FAT1: variants seen among roughly 807,000 people sequenced by gnomAD.
The protein encoded by FAT1 is protocadherin Fat 1.
Under a neutral mutation model 329.8 loss-of-function variants are expected in FAT1, and 171 were observed. The ratio of observed to expected loss-of-function variants is 0.52; its 90% CI spans 0.46 to 0.59. The LOEUF is 0.59. FAT1 is among the 20% of genes least tolerant of loss of function. The pLI, the probability that FAT1 is intolerant of heterozygous loss-of-function variation, is 0.00. For missense variants in FAT1, 5,672 were observed against 5,774.4 expected (o/e 0.98, Z 0.57); for synonymous variants, 2,233 against 2,228.6 (o/e 1.00, Z -0.06).
chr4:186,715,134 C>G (rs1373218968), intron 1 of FAT1, among the ~76,000 whole-genome samples: 2 of 147,698 alleles, frequency 1.4e-5, no homozygotes, highest in Non-Finnish European at 2.9e-5. Context: ...CTCCATCCCC[C>G]CACCAGAAGG....
rs764593119 is a variant in FAT1, at chr4:186,621,591, C to G, written c.4995G>C (p.Pro1665=). The change falls in exon 10 of 27, where the codon CCG becomes CCC. Residue 1665 remains proline (P), a synonymous_variant. Coordinates refer to ENST00000441802, the MANE Select transcript of FAT1 (RefSeq NM_005245.4). ...CAGAATATTCTTTTGATGTAAACTT[C>G]GGAGAGGCGTTGTCAGCAATTGTGA... is the stretch of plus-strand genomic sequence containing the variant. ...IFVTIADNAS[P]KFTSKEYSVE... is the part of the protein sequence containing the mutation. The G allele has an allele frequency of 6.2e-7, 1 of 1,613,966 alleles. No individual in the cohort carries two copies. Among genetic ancestry groups the G allele is most frequent in the Non-Finnish European group, 8.5e-7 (1 of 1,179,878 alleles).
intron 9 of FAT1, among the ~76,000 whole-genome samples, chr4:186,624,709 G>A (rs750416553): frequency 1.3e-5 from 2 of 152,160 alleles, no homozygotes; most frequent in African/African-American, 4.8e-5. Context: ...GCAGTGTTAC[G>A]TACTGAATTT....
intron 7 of FAT1, among the ~76,000 whole-genome samples, chr4:186,632,739 T>C (rs1740653615): frequency 6.6e-6 from 1 of 152,264 alleles, no homozygotes; most frequent in Non-Finnish European, 1.5e-5. Flanking sequence ...TTTTTATCTT[T>C]TAATGCAGCT....
At chr4:186,669,370 G>A (rs1008208488) in intron 2 of FAT1, among the ~76,000 whole-genome samples, 2 of 152,328 alleles carry the variant, frequency 1.3e-5, no homozygotes, top group East Asian at 3.9e-4. Flanking sequence ...ATGCTGCTGC[G>A]TGATGCTATG....
chr4:186,596,967 C>T lies in FAT1; in HGVS notation c.12573G>A (p.Gly4191=), dbSNP rs749675349. ...CAAACACCACCACCAGTAAAAATAT[C>T]CCTGCAACAAACACAACGATTCCAA... ...EGIGIVVFVA[G]IFLLVVVFVL... Residue 4191 remains glycine (G), a synonymous_variant, in exon 25 of 27, where the codon GGG becomes GGA. Coordinates refer to ENST00000441802, the MANE Select transcript of FAT1 (RefSeq NM_005245.4). This position sits in a 1 kb window ranked among gnomAD's most constrained non-coding sequence, Gnocchi z 4.7. The T allele has an allele frequency of 2.5e-6, 4 of 1,613,878 alleles. No individual in the cohort carries two copies. The highest frequency in any genetic ancestry group is 1.7e-5 in the Admixed American group (1 of 60,010).
intron 3 of FAT1, among the ~76,000 whole-genome samples, chr4:186,661,120 G>C (rs1292808592): frequency 6.6e-6 from 1 of 152,236 alleles, no homozygotes; most frequent in African/African-American, 2.4e-5. Flanking sequence ...ATATACGTGT[G>C]TTGTGGGGAG....
rs116341770 is a variant in FAT1, at chr4:186,651,906, T to C, written c.3580+11393A>G. ...GCAGCTGTGGCCGTCTCAGCAGCTA[T>C]TGTTTGTCCCTGAAGTACTGGTGCC... On this transcript the variant is annotated intron_variant, in intron 3 of 26. Transcript: ENST00000441802. Among the ~76,000 whole-genome samples the C allele has an allele frequency of 8.8e-3, 1,336 of 152,336 alleles. 22 individuals carry two copies. Among genetic ancestry groups the C allele is most frequent in the African/African-American group, 0.031 (1,285 of 41,580 alleles).
rs772641467 is a variant in FAT1 at position 186,606,052 on chromosome 4, T to C, written c.10350+18A>G. The C allele has an allele frequency of 2.1e-5, 34 of 1,610,988 alleles. No homozygotes were observed. Among genetic ancestry groups the C allele is most frequent in the Non-Finnish European group, 2.8e-5 (33 of 1,178,900 alleles). Reference sequence around the variant, plus strand: ...CATTTCAAAGAACCCCAGGACCACCTTGGCACTCGAAGCCCACCTGGATAA... The same window carrying C: ...CATTTCAAAGAACCCCAGGACCACCCTGGCACTCGAAGCCCACCTGGATAA... On this transcript the variant is annotated intron_variant, in intron 17 of 26. Coordinates refer to ENST00000441802, the MANE Select transcript of FAT1 (RefSeq NM_005245.4).
At position 186,609,790 on chromosome 4, in the gene FAT1, A is replaced by G; in HGVS notation, c.10068+11T>C. ...ACACAGTTTTCACTGTAATGGGGAA[A>G]AAATACACACCGTGATGACAGACTG... On this transcript the variant is annotated intron_variant, in intron 15 of 26. Coordinates refer to ENST00000441802, the MANE Select transcript of FAT1 (RefSeq NM_005245.4). The G allele has an allele frequency of 1.9e-6, 3 of 1,597,122 alleles. No individual in the cohort carries two copies. The highest frequency in any genetic ancestry group is 2.6e-6 in the Non-Finnish European group (3 of 1,164,590).
chr4:186,633,932 A>T, intron 6 of FAT1, 109 bp from the exon 7 acceptor site: 2 of 1,187,036 alleles, frequency 1.7e-6, no homozygotes, highest in African/African-American at 1.5e-5. Context: ...ATATACTAGC[A>T]AAGAGCTTCC....
chr4:186,679,494 G>A (rs1365415478), intron 2 of FAT1, among the ~76,000 whole-genome samples: 2 of 151,226 alleles, frequency 1.3e-5, no homozygotes, highest in African/African-American at 2.4e-5. Flanking sequence ...TGTTCTGAGA[G>A]TCTAATTCAG....
In FAT1 at chr4:186,613,230, C is replaced by T. The variant is rs777489430; in HGVS notation, c.9342G>A (p.Thr3114=). Reference sequence around the variant, plus strand: ...GGGCGTTATCGTTCACATCTTCTAGCGTGAGCACAATACTGGCTTGGCAGA... The same window carrying T: ...GGGCGTTATCGTTCACATCTTCTAGTGTGAGCACAATACTGGCTTGGCAGA... ...GRFCQASIVL[T]LEDVNDNAPE... The change falls in exon 13 of 27, where the codon ACG becomes ACA. Residue 3114 remains threonine (T), a synonymous_variant. Coordinates refer to ENST00000441802, the MANE Select transcript of FAT1 (RefSeq NM_005245.4). 11 of 1,613,720 alleles carry T rather than the reference C, an allele frequency of 6.8e-6. No homozygotes were observed. Among genetic ancestry groups the T allele is most frequent in the East Asian group, 6.7e-5 (3 of 44,892 alleles).
At chr4:186,614,720 G>A (rs755523340) in intron 11 of FAT1, among the ~76,000 whole-genome samples, 2 of 152,168 alleles carry the variant, frequency 1.3e-5, no homozygotes, top group African/African-American at 2.4e-5. Context: ...AATATCTGTC[G>A]TATCATATCT....
At chr4:186,719,049 CATTCTCCTG>C (rs1454473419) in intron 1 of FAT1, among the ~76,000 whole-genome samples, 1 of 152,190 alleles carries the variant, frequency 6.6e-6, no homozygotes, top group African/African-American at 2.4e-5. Context: ...TGAATGACAA[CATTCTCCTG>C]ATTCTCTTCC....
intron 1 of FAT1, among the ~76,000 whole-genome samples, chr4:186,714,517 G>A (rs993162656): frequency 1.1e-4 from 16 of 152,034 alleles, no homozygotes; most frequent in Non-Finnish European, 2.4e-4. Context: ...AGAAATTTGA[G>A]AGTTGTCTAA....
At chr4:186,654,756 TA>T (rs1283689603) in intron 3 of FAT1, among the ~76,000 whole-genome samples, 3 of 151,734 alleles carry the variant, frequency 2.0e-5, no homozygotes, top group African/African-American at 7.3e-5. Context: ...ACAAAAAATA[TA>T]AAAACTAGCT....
chr4:186,633,728 G>C lies in FAT1; in HGVS notation c.4279C>G (p.Leu1427Val). ...GTTCCATCTGTAGCCTCGACTGTGA[G>C]GTTGTAGTTTGACTTCTGTTCTGCA... Reference protein sequence around the residue: ...LDAEQKSNYNLTVEATDGTTT... With the variant: ...LDAEQKSNYNVTVEATDGTTT... Residue 1427 changes from leucine to valine, a missense_variant, in exon 7 of 27, where the codon CTC becomes GTC. Leu to Val is a conservative substitution (Grantham distance 32, BLOSUM62 1). This residue lies in a region of FAT1 where 3,966 missense variants were observed against 3,915.2 expected (regional missense o/e 1.01). Coordinates refer to ENST00000441802, the MANE Select transcript of FAT1 (RefSeq NM_005245.4). The C allele has an allele frequency of 6.2e-7, 1 of 1,613,920 alleles. No individual in the cohort carries two copies. The highest frequency in any genetic ancestry group is 1.1e-5 in the South Asian group (1 of 91,082).
In FAT1 at chr4:186,706,895, T is replaced by A. The variant is rs1744642241; in HGVS notation, c.2933A>T (p.Lys978Ile). 6.2e-7 allele frequency: 1 copy of A among 1,613,848 alleles called. No individual in the cohort carries two copies. The highest frequency in any genetic ancestry group is 1.7e-5 in the Admixed American group (1 of 60,000). ...GACGATCCTAACTGCTCCACTGAGT[T>A]TATCCACATCGAAGTTTCCTTCTCC... ...DHGEGNFDVD[K>I]LSGAVRIVQQ... The change falls in exon 2 of 27, where the codon AAA becomes ATA. Residue 978 changes from lysine to isoleucine, a missense_variant. Coordinates refer to ENST00000441802, the MANE Select transcript of FAT1 (RefSeq NM_005245.4).
At chr4:186,657,297 A>C (rs1442751636) in intron 3 of FAT1, among the ~76,000 whole-genome samples, 1 of 152,244 alleles carries the variant, frequency 6.6e-6, no homozygotes, top group Non-Finnish European at 1.5e-5. Flanking sequence ...AAGGATACAC[A>C]GCAATGAAAA....
Sources: allele counts gnomAD v4.1 joint callset (sites outside exome capture counted in the v4.1 genomes callset), GRCh38; gene constraint gnomAD v4.1.1; regional missense constraint gnomAD v4.1.1; non-coding constraint Gnocchi (gnomAD v3.1); transcripts MANE v1.5; gene names NCBI Gene and HGNC (gene_info 2026-07-23, HGNC 2026-07-21).